OGFRL1: variants seen among roughly 807,000 people sequenced by gnomAD.
The protein encoded by OGFRL1 is opioid growth factor receptor-like protein 1.
OGFRL1 carries 26 observed loss-of-function variants against 32.4 expected under a neutral mutation model. The ratio of observed to expected loss-of-function variants is 0.80; its 90% CI spans 0.59 to 1.11. OGFRL1 has a LOEUF of 1.11. Among genes scored for constraint, OGFRL1 ranks in the 50% most tolerant of loss-of-function variants. The pLI is 0.00. For synonymous variants in OGFRL1, 211 were observed against 201.2 expected (o/e 1.05, Z -0.41); for missense variants, 521 against 546.4 (o/e 0.95, Z 0.46).
At chr6:71,290,015 C>T (rs927726069) in intron 1 of OGFRL1, among the ~76,000 whole-genome samples, 6 of 152,282 alleles carry the variant, frequency 3.9e-5, no homozygotes, top group Non-Finnish European at 8.8e-5. Flanking sequence ...AATGTGACCA[C>T]AGGGTTTTGG....
In OGFRL1 at chr6:71,288,993, C is replaced by T; in HGVS notation, c.57C>T (p.Cys19=). 4 of 1,391,022 alleles carry T rather than the reference C, an allele frequency of 2.9e-6. No homozygotes were observed. Among genetic ancestry groups the T allele is most frequent in the Non-Finnish European group, 3.8e-6 (4 of 1,056,550 alleles). The allele number at this position is 1,391,022 out of a possible 1,614,324, so 86.2% of individuals were successfully genotyped here. A position where few individuals can be genotyped will look rare whatever the true frequency, so the allele number is the denominator to read the frequency against. Residue 19 remains cysteine, a synonymous_variant, in exon 1 of 7, where the codon TGC becomes TGT. Coordinates refer to ENST00000370435, the MANE Select transcript of OGFRL1 (RefSeq NM_024576.5). The part of the protein sequence containing the change: ...SFREPTTVED[C]DSTWQTDSEP... ...GCGAGCCCACCACCGTGGAGGACTG[C>T]GACTCCACCTGGCAGACCGACTCGG...
intron 2 of OGFRL1, 72 bp downstream of exon 2, chr6:71,293,451 C>G (rs969534748): frequency 6.4e-7 from 1 of 1,568,600 alleles, no homozygotes; most frequent in Non-Finnish European, 8.8e-7. Flanking sequence ...TATGGTGCCA[C>G]TGAGAAAACA....
Position 71,305,343 on chromosome 6 carries a change from TGTACA to T in OGFRL1, c.*3298_*3302del, listed in dbSNP as rs1766515449. 6.6e-6 allele frequency: 1 copy of T among 152,082 alleles called. No individual in the cohort carries two copies. The highest frequency in any genetic ancestry group is 2.4e-5 in the African/African-American group (1 of 41,462). 9.4% of individuals were successfully genotyped at this position (152,082 alleles called of 1,614,324 possible). On this transcript the variant is annotated 3_prime_UTR_variant, in exon 7 of 7. Coordinates refer to ENST00000370435, the MANE Select transcript of OGFRL1 (RefSeq NM_024576.5). ...GACATATAGTTATAAGATATATTTC[TGTACA>T]GTAGAGAAAGAGTTTATAACATGAA...
In OGFRL1 at chr6:71,297,502, ACTGT is replaced by A. The variant is rs543244814; in HGVS notation, c.692+688_692+691del. ...TTTTCTTGATATTTTCTTCATATTCACTGTCTATTTTCTTTTTAATTATAGTTAA... is the reference window on the plus strand; with the variant it reads ...TTTTCTTGATATTTTCTTCATATTCACTATTTTCTTTTTAATTATAGTTAA... On this transcript the variant is annotated intron_variant, in intron 6 of 6. Transcript: ENST00000370435. Among the ~76,000 whole-genome samples the A allele has an allele frequency of 6.8e-4, 104 of 152,058 alleles. No homozygotes were observed. The East Asian group carries it at 0.015, about 22-fold the overall frequency.
intron 1 of OGFRL1, chr6:71,289,717 A>G (rs937862619): frequency 1.0e-6 from 1 of 985,238 alleles, no homozygotes; most frequent in Non-Finnish European, 1.2e-6. Context: ...CTTTCAACCT[A>G]GGATTCAGGG....
chr6:71,291,097 A>T (rs1335297144), intron 1 of OGFRL1, among the ~76,000 whole-genome samples: 2 of 152,202 alleles, frequency 1.3e-5, no homozygotes, highest in African/African-American at 4.8e-5. Flanking sequence ...GAGGAGGAGG[A>T]GCCAAAAAAG....
chr6:71,299,333 C>T (rs894808798), intron 6 of OGFRL1, among the ~76,000 whole-genome samples: 1 of 152,142 alleles, frequency 6.6e-6, no homozygotes, highest in Non-Finnish European at 1.5e-5. Flanking sequence ...ACCATTTAGT[C>T]TTTCACTATG....
rs950414670 is a variant in OGFRL1, at chr6:71,306,627, C to T, written c.*4578C>T. ...GTGCTTTATCATTTTGGAGAAGTTG[C>T]TGTTTGGGACAATAGCATCAGTTTA... On this transcript the variant is annotated 3_prime_UTR_variant, in exon 7 of 7. Transcript: ENST00000370435. 6.6e-6 allele frequency: 1 copy of T among 152,102 alleles called. No individual in the cohort carries two copies. The highest frequency in any genetic ancestry group is 2.4e-5 in the African/African-American group (1 of 41,418). The allele number at this position is 152,102 out of a possible 1,614,324, so 9.4% of individuals were successfully genotyped here. A position where few individuals can be genotyped will look rare whatever the true frequency, so the allele number is the denominator to read the frequency against.
rs1232502143 is a variant in OGFRL1, at chr6:71,305,669, A to G, written c.*3620A>G. 6.6e-6 allele frequency: 1 copy of G among 152,040 alleles called. No homozygotes were observed. Among genetic ancestry groups the G allele is most frequent in the Non-Finnish European group, 1.5e-5 (1 of 67,928 alleles). 9.4% of individuals were successfully genotyped at this position (152,040 alleles called of 1,614,324 possible). Reference sequence around the variant, plus strand: ...ATGCCTGTCATAGTCATTGTTTCATATTTTGTCATATAAAATCACCTACCC... The same window carrying G: ...ATGCCTGTCATAGTCATTGTTTCATGTTTTGTCATATAAAATCACCTACCC... On this transcript the variant is annotated 3_prime_UTR_variant, in exon 7 of 7. Coordinates refer to ENST00000370435, the MANE Select transcript of OGFRL1 (RefSeq NM_024576.5).
At chr6:71,296,626 T>C in intron 5 of OGFRL1, 46 bp from the exon 6 acceptor site, 1 of 1,608,462 alleles carries the variant, frequency 6.2e-7, no homozygotes, top group Non-Finnish European at 8.5e-7. Flanking sequence ...ACTGTCCTTG[T>C]AGCTACTGAA....
chr6:71,289,098 G>C lies in OGFRL1; in HGVS notation c.162G>C (p.Pro54=), dbSNP rs1300549396. 1.8e-6 allele frequency: 2 copies of C among 1,116,876 alleles called. No homozygotes were observed. Among genetic ancestry groups the C allele is most frequent in the African/African-American group, 3.3e-5 (2 of 59,708 alleles). The allele number at this position is 1,116,876 out of a possible 1,614,324, so 69.2% of individuals were successfully genotyped here. Residue 54 remains proline, a synonymous_variant, in exon 1 of 7, where the codon CCG becomes CCC. Transcript: ENST00000370435. Reference sequence around the variant, plus strand: ...AGTCCGAGCAGCCCGCGCAGCCCCCGGAGCAAGCCGGCGGGCGGCCCGGCG... The same window carrying C: ...AGTCCGAGCAGCCCGCGCAGCCCCCCGAGCAAGCCGGCGGGCGGCCCGGCG... ...GQESEQPAQP[P]EQAGGRPGAS...
rs1766413088 is a variant in OGFRL1, at chr6:71,301,992, C to T, written c.1299C>T (p.Asn433=). 6.2e-7 allele frequency: 1 copy of T among 1,600,120 alleles called. No individual in the cohort carries two copies. Among genetic ancestry groups the T allele is most frequent in the South Asian group, 1.1e-5 (1 of 88,612 alleles). The change falls in exon 7 of 7, where the codon AAC becomes AAT. Residue 433 remains asparagine (N), a synonymous_variant. Transcript: ENST00000370435. ...ATAACGAAGAAGGTGGAAATGATAACCAAGACAATGAAAATCCTGGAAATA... is the reference window on the plus strand; with the variant it reads ...ATAACGAAGAAGGTGGAAATGATAATCAAGACAATGAAAATCCTGGAAATA... The part of the protein sequence containing the change: ...PENNEEGGND[N]QDNENPGNTN...
chr6:71,297,155 G>C (rs375141847), intron 6 of OGFRL1, among the ~76,000 whole-genome samples: 12 of 152,182 alleles, frequency 7.9e-5, no homozygotes, highest in African/African-American at 2.9e-4. Context: ...ACAATTCTGT[G>C]TATTCCTTCT....
intron 6 of OGFRL1, among the ~76,000 whole-genome samples, chr6:71,301,018 C>T (rs1021884627): frequency 1.1e-4 from 17 of 152,160 alleles, no homozygotes; most frequent in African/African-American, 4.1e-4. Flanking sequence ...GAGTACAGTA[C>T]ATTGATGTTG....
At position 71,288,995 on chromosome 6, in the gene OGFRL1, A is replaced by G; in HGVS notation, c.59A>G (p.Asp20Gly). 2 of 1,389,086 alleles carry G rather than the reference A, an allele frequency of 1.4e-6. No individual in the cohort carries two copies. The highest frequency in any genetic ancestry group is 1.3e-5 in the South Asian group (1 of 77,854). The allele number at this position is 1,389,086 out of a possible 1,614,324, so 86.0% of individuals were successfully genotyped here. The change falls in exon 1 of 7, where the codon GAC becomes GGC. Residue 20 changes from aspartate (D) to glycine (G), a missense_variant. By Grantham distance (94) the Asp-to-Gly change is moderately conservative (BLOSUM62 -1). Coordinates refer to ENST00000370435, the MANE Select transcript of OGFRL1 (RefSeq NM_024576.5). ...FREPTTVEDC[D>G]STWQTDSEPE... ...GAGCCCACCACCGTGGAGGACTGCG[A>G]CTCCACCTGGCAGACCGACTCGGAG... is the stretch of plus-strand genomic sequence containing the variant.
At chr6:71,296,467 A>T in intron 4 of OGFRL1, 28 bp from the exon 5 acceptor site, 1 of 1,595,698 alleles carries the variant, frequency 6.3e-7, no homozygotes, top group Admixed American at 1.7e-5. Flanking sequence ...ACGTTAATAG[A>T]AAAATTTTAT....
rs943963910 is a variant in OGFRL1, at chr6:71,289,267, G to T, written c.234+97G>T. On this transcript the variant is annotated intron_variant, in intron 1 of 6. Coordinates refer to ENST00000370435, the MANE Select transcript of OGFRL1 (RefSeq NM_024576.5). ...GCCCTCGCGCTCGGAGGCCAGGGGCGCCAGGTGGCTGCTCGCCGCTGCGAC... is the reference window on the plus strand; with the variant it reads ...GCCCTCGCGCTCGGAGGCCAGGGGCTCCAGGTGGCTGCTCGCCGCTGCGAC... 7.9e-6 allele frequency: 8 copies of T among 1,013,908 alleles called. No homozygotes were observed. The African/African-American group carries it at 1.4e-4, about 18-fold the overall frequency. The allele number at this position is 1,013,908 out of a possible 1,614,324, so 62.8% of individuals were successfully genotyped here. A position where few individuals can be genotyped will look rare whatever the true frequency, so the allele number is the denominator to read the frequency against.
At position 71,293,329 on chromosome 6, in the gene OGFRL1, A is replaced by G. The variant is rs1230507644; in HGVS notation, c.271A>G (p.Arg91Gly). 1.9e-6 allele frequency: 3 copies of G among 1,613,926 alleles called. No individual in the cohort carries two copies. The highest frequency in any genetic ancestry group is 2.5e-6 in the Non-Finnish European group (3 of 1,179,872). Reference sequence around the variant, plus strand: ...CACTGAAGCAACTGCCAAACCAAAGAGAAGTTTTTATGCTGCCAGGGATTT... The same window carrying G: ...CACTGAAGCAACTGCCAAACCAAAGGGAAGTTTTTATGCTGCCAGGGATTT... Reference protein sequence around the residue: ...DSTEATAKPKRSFYAARDLYK... With the variant: ...DSTEATAKPKGSFYAARDLYK... Residue 91 changes from arginine (R) to glycine (G), a missense_variant, in exon 2 of 7, where the codon AGA becomes GGA. Arg to Gly is a moderately radical substitution (Grantham distance 125). Coordinates refer to ENST00000370435, the MANE Select transcript of OGFRL1 (RefSeq NM_024576.5).
chr6:71,303,644 G>A lies in OGFRL1; in HGVS notation c.*1595G>A, dbSNP rs1766465253. The A allele has an allele frequency of 6.6e-6, 1 of 152,156 alleles. No homozygotes were observed. Among genetic ancestry groups the A allele is most frequent in the Non-Finnish European group, 1.5e-5 (1 of 68,004 alleles). 9.4% of individuals were successfully genotyped at this position (152,156 alleles called of 1,614,324 possible). ...CAGTGTTCTATGGATTACGAAATTA[G>A]TAATGTTGCTTAGCCCAAACGTGTT... On this transcript the variant is annotated 3_prime_UTR_variant, in exon 7 of 7. Coordinates refer to ENST00000370435, the MANE Select transcript of OGFRL1 (RefSeq NM_024576.5).
Sources: gnomAD v4.1 joint callset for allele counts (sites outside exome capture counted in the v4.1 genomes callset) on GRCh38, gnomAD v4.1.1 for gene constraint, MANE v1.5 for transcripts, NCBI Gene and HGNC (gene_info 2026-07-23, HGNC 2026-07-21) for gene names.